Variants in ZMYND10 observed in about 807,000 individuals in gnomAD.
ZMYND10 encodes the protein zinc finger MYND-type containing 10.
A neutral mutation model predicts 62.6 loss-of-function variants in ZMYND10; 52 were observed. The observed-to-expected ratio is 0.83, with a 90% CI of 0.67 to 1.05. ZMYND10 has a LOEUF of 1.05. ZMYND10 is among the 50% of genes least tolerant of loss of function. The pLI is 0.00. For synonymous variants in ZMYND10, 197 were observed against 218.5 expected, an observed-to-expected ratio of 0.90 and a Z score of 0.87; for missense variants, 438 against 543.3, an observed-to-expected ratio of 0.81 and a Z score of 1.93.
chr3:50,343,676 C>A (rs1420186521), intron 3 of ZMYND10, 58 bp downstream of exon 3: 30 of 1,613,760 alleles, frequency 1.9e-5, no homozygotes, highest in Non-Finnish European at 1.8e-5. Context: ...AGCTCTCCTC[C>A]CCGGTCCAGA....
rs200276907 is a variant in ZMYND10, at chr3:50,341,643, C to T, written c.1178G>A (p.Arg393His). ...AGCCTCTGCACTGCAGTAAGCACAG[C>T]GGGGCCGCTCTGGAGCCACTGCCTC... Reference protein sequence around the residue: ...VLEAVAPERPRCAYCSAEASK... With the variant: ...VLEAVAPERPHCAYCSAEASK... The change falls in exon 11 of 12, where the codon CGC becomes CAC. Residue 393 changes from arginine to histidine, a missense_variant. Coordinates refer to ENST00000231749, the MANE Select transcript of ZMYND10 (RefSeq NM_015896.4). The T allele has an allele frequency of 3.2e-5, 52 of 1,614,260 alleles. No homozygotes were observed. Among genetic ancestry groups the T allele is most frequent in the South Asian group, 4.4e-5 (4 of 91,090 alleles).
chr3:50,342,556 C>T lies in ZMYND10; in HGVS notation c.714G>A (p.Gln238=), dbSNP rs199753675. 1 of 1,612,802 alleles carries T rather than the reference C, an allele frequency of 6.2e-7. No homozygotes were observed. The highest frequency in any genetic ancestry group is 8.5e-7 in the Non-Finnish European group (1 of 1,178,990). The change falls in exon 8 of 12, where the codon CAG becomes CAA. Residue 238 remains glutamine (Q), a synonymous_variant. Coordinates refer to ENST00000231749, the MANE Select transcript of ZMYND10 (RefSeq NM_015896.4). ...CAGTATGCCAACGGCTGCCCTCGAA[C>T]TGCTGCAGCTTGCCTGGGGAGAGGA... ...WSRREGGKLQ[Q]FEGSRWHTVA...
Position 50,343,459 on chromosome 3 carries a change from A to C in ZMYND10, c.373-15T>G. On this transcript the variant is annotated splice_polypyrimidine_tract_variant and intron_variant, in intron 4 of 11. Coordinates refer to ENST00000231749, the MANE Select transcript of ZMYND10 (RefSeq NM_015896.4). ...TCACACACCTCCTGGGAAAAGGAGG[A>C]GGGAAACTTTCTGTGTCTGATGCCT... The C allele has an allele frequency of 6.2e-7, 1 of 1,612,228 alleles. No homozygotes were observed.
chr3:50,343,980 G>C (rs1703465769), intron 2 of ZMYND10, 130 bp from the exon 3 acceptor site: 5 of 765,552 alleles, frequency 6.5e-6, no homozygotes, highest in Non-Finnish European at 1.1e-5. Flanking sequence ...CCAGACCCAT[G>C]AGTATCCTTC....
chr3:50,342,081 C>G lies in ZMYND10; in HGVS notation c.933G>C (p.Gln311His). Reference protein sequence around the residue: ...LDQLPNLAHLQSFLAHLTLTE... With the variant: ...LDQLPNLAHLHSFLAHLTLTE... Reference sequence around the variant, plus strand: ...TTAGGGTCAGATGGGCCAGGAAACTCTGCAAGTGGGCCAGGTTGGGCAGCT... The same window carrying G: ...TTAGGGTCAGATGGGCCAGGAAACTGTGCAAGTGGGCCAGGTTGGGCAGCT... Residue 311 changes from glutamine (Q) to histidine (H), a missense_variant, in exon 9 of 12, where the codon CAG (glutamine) becomes CAC (histidine). Transcript: ENST00000231749. 5 of 1,613,950 alleles carry G rather than the reference C, an allele frequency of 3.1e-6. No individual in the cohort carries two copies. Among genetic ancestry groups the G allele is most frequent in the Non-Finnish European group, 4.2e-6 (5 of 1,179,934 alleles).
Position 50,341,918 on chromosome 3 carries a change from C to T in ZMYND10, c.1013G>A (p.Trp338Ter). 1 of 1,614,214 alleles carries T rather than the reference C, an allele frequency of 6.2e-7. No individual in the cohort carries two copies. Among genetic ancestry groups the T allele is most frequent in the Non-Finnish European group, 8.5e-7 (1 of 1,180,030 alleles). ...TCTGTTTTCTCGCTCCAGCCGCTCC[C>T]AGATTTCTGGGATCTAGGAGAGAGA... ...DLVLEQIPEI[W>*]ERLERENRGK... The change falls in exon 10 of 12, where the codon TGG becomes TAG. Residue 338 changes from tryptophan to a stop codon, truncating the protein, a stop_gained. Coordinates refer to ENST00000231749, the MANE Select transcript of ZMYND10 (RefSeq NM_015896.4). LOFTEE classifies it high-confidence loss of function.
In ZMYND10 at chr3:50,345,017, G is replaced by T; in HGVS notation, c.201+107C>A. On this transcript the variant is annotated intron_variant, in intron 2 of 11. Transcript: ENST00000231749. The surrounding 1 kb of genome is among the most constrained non-coding windows in gnomAD (Gnocchi z 5.0). ...CACATTCCTCTTTGTCCTTCAGGGAGAACAGGTGTACCAGGCCAGAGGGGA... is the reference window on the plus strand; with the variant it reads ...CACATTCCTCTTTGTCCTTCAGGGATAACAGGTGTACCAGGCCAGAGGGGA... 7 of 861,316 alleles carry T rather than the reference G, an allele frequency of 8.1e-6. No individual in the cohort carries two copies. Among genetic ancestry groups the T allele is most frequent in the Non-Finnish European group, 1.3e-5 (7 of 538,122 alleles). The allele number at this position is 861,316 out of a possible 1,614,324, so 53.4% of individuals were successfully genotyped here. A position where few individuals can be genotyped will look rare whatever the true frequency, so the allele number is the denominator to read the frequency against.
rs3213620 is a variant in ZMYND10 at position 50,342,603 on chromosome 3, G to A, written c.701-34C>T. 2.7e-4 allele frequency: 428 copies of A among 1,595,582 alleles called. 4 individuals carry two copies. In the East Asian group the frequency reaches 9.2e-3, roughly 34 times the overall value. ...AGGAACCAGCACACTGGGTGCAGAC[G>A]TTGAATTCTCTTCAAGTGAGCCAGC... On this transcript the variant is annotated intron_variant, in intron 7 of 11. Coordinates refer to ENST00000231749, the MANE Select transcript of ZMYND10 (RefSeq NM_015896.4).
In ZMYND10 at chr3:50,345,710, T is replaced by C; in HGVS notation, c.-131A>G. 1 of 1,476,866 alleles carries C rather than the reference T, an allele frequency of 6.8e-7. No homozygotes were observed. Among genetic ancestry groups the C allele is most frequent in the Non-Finnish European group, 9.0e-7 (1 of 1,111,636 alleles). 91.5% of individuals were successfully genotyped at this position (1,476,866 alleles called of 1,614,324 possible). On this transcript the variant is annotated 5_prime_UTR_variant, in exon 1 of 12. Transcript: ENST00000231749. This position sits in a 1 kb window ranked among gnomAD's most constrained non-coding sequence, Gnocchi z 5.0. ...TGCGGGACGGTTGGGGAGCGTCAGT[T>C]CTCGCAGCCATGGAAACGGGTTAGC...
chr3:50,345,105 G>A lies in ZMYND10; in HGVS notation c.201+19C>T. On this transcript the variant is annotated intron_variant, in intron 2 of 11. Transcript: ENST00000231749. The surrounding 1 kb of genome is among the most constrained non-coding windows in gnomAD (Gnocchi z 5.0). ...AGGTATGGGGGAAGGCAGGAACCCT[G>A]CCTGTGACCTCGGGGTACCTTCCCA... 3 of 1,610,152 alleles carry A rather than the reference G, an allele frequency of 1.9e-6. No individual in the cohort carries two copies. The highest frequency in any genetic ancestry group is 2.5e-6 in the Non-Finnish European group (3 of 1,177,692).
At chr3:50,344,163 C>A in intron 2 of ZMYND10, 1 of 392,352 alleles carries the variant, frequency 2.5e-6, no homozygotes, top group Non-Finnish European at 4.8e-6. Flanking sequence ...TCAAGCCAGC[C>A]CTTCTCCTCA....
rs748605510 is a variant in ZMYND10, at chr3:50,341,266, C to T, written c.*144G>A. 1.0e-6 allele frequency: 1 copy of T among 981,304 alleles called. No individual in the cohort carries two copies. The highest frequency in any genetic ancestry group is 1.5e-6 in the Non-Finnish European group (1 of 662,032). The allele number at this position is 981,304 out of a possible 1,614,324, so 60.8% of individuals were successfully genotyped here. The stretch of plus-strand genomic sequence containing the variant: ...CACTTGGGGTGAGGAGGAGGGAGAT[C>T]GGTCAGCAGCTTTACCGCCCGCTCT... On this transcript the variant is annotated 3_prime_UTR_variant, in exon 12 of 12. Transcript: ENST00000231749.
rs369890206 is a variant in ZMYND10 at position 50,343,625 on chromosome 3, T to C, written c.319-9A>G. 14 of 1,613,942 alleles carry C rather than the reference T, an allele frequency of 8.7e-6. No homozygotes were observed. The highest frequency in any genetic ancestry group is 1.7e-5 in the Admixed American group (1 of 60,002). On this transcript the variant is annotated splice_polypyrimidine_tract_variant and intron_variant, in intron 3 of 11. Transcript: ENST00000231749. The stretch of plus-strand genomic sequence containing the variant: ...GAGGCCTCGTGGTGCACCTGTCAGA[T>C]AAAGAGAAGGACAGGGCCTGAGGAA...
chr3:50,341,682 C>T lies in ZMYND10; in HGVS notation c.1139G>A (p.Arg380Lys). 5 of 1,614,234 alleles carry T rather than the reference C, an allele frequency of 3.1e-6. No individual in the cohort carries two copies. The South Asian group carries it at 5.5e-5, about 18-fold the overall frequency. The change falls in exon 11 of 12, where the codon AGG (arginine) becomes AAG (lysine). Residue 380 changes from arginine (R) to lysine (K), a missense_variant. Arg to Lys is a conservative substitution (Grantham distance 26). Transcript: ENST00000231749. The part of the protein sequence containing the change: ...LQARRWAETY[R>K]LDVLEAVAPE... Reference sequence around the variant, plus strand: ...AGCCACTGCCTCTAGCACATCCAGCCTGTAGGTCTCAGCCCACCTGGGGGA... The same window carrying T: ...AGCCACTGCCTCTAGCACATCCAGCTTGTAGGTCTCAGCCCACCTGGGGGA...
chr3:50,343,578 T>C lies in ZMYND10; in HGVS notation c.357A>G (p.Thr119=), dbSNP rs745366928. 5.6e-6 allele frequency: 9 copies of C among 1,614,140 alleles called. No homozygotes were observed. Among genetic ancestry groups the C allele is most frequent in the Middle Eastern group, 1.6e-4 (1 of 6,062 alleles). Residue 119 remains threonine, a synonymous_variant, in exon 4 of 12, where the codon ACA becomes ACG. Transcript: ENST00000231749. ...AGTCCCTCACCTTGTGGAAGAACAC[T>C]GTCTCCAAGAGGTTGATGATGGAGG... ...HEASIINLLE[T]VFFHKEVCES...
chr3:50,345,115 T>C lies in ZMYND10; in HGVS notation c.201+9A>G, dbSNP rs1399260098. 6.2e-7 allele frequency: 1 copy of C among 1,612,548 alleles called. No homozygotes were observed. The highest frequency in any genetic ancestry group is 1.3e-5 in the African/African-American group (1 of 74,872). On this transcript the variant is annotated intron_variant, in intron 2 of 11. Coordinates refer to ENST00000231749, the MANE Select transcript of ZMYND10 (RefSeq NM_015896.4). This position sits in a 1 kb window ranked among gnomAD's most constrained non-coding sequence, Gnocchi z 5.0. ...GAAGGCAGGAACCCTGCCTGTGACC[T>C]CGGGGTACCTTCCCATGGGTGACCA... is the stretch of plus-strand genomic sequence containing the variant.
chr3:50,345,279 A>T lies in ZMYND10; in HGVS notation c.93-47T>A. On this transcript the variant is annotated intron_variant, in intron 1 of 11. Transcript: ENST00000231749. This position sits in a 1 kb window ranked among gnomAD's most constrained non-coding sequence, Gnocchi z 5.0. ...TGTGCGTCCACGTGTGTGCATTAGG[A>T]GTGGGGATGGGGGCTGGATCCTACT... The T allele has an allele frequency of 1.2e-5, 19 of 1,589,628 alleles. No homozygotes were observed. Among genetic ancestry groups the T allele is most frequent in the Non-Finnish European group, 1.6e-5 (19 of 1,164,546 alleles).
Position 50,341,835 on chromosome 3 carries a change from G to A in ZMYND10, c.1096C>T (p.Gln366Ter), listed in dbSNP as rs761505231. The A allele has an allele frequency of 6.2e-7, 1 of 1,614,020 alleles. No homozygotes were observed. ...QLQHVFSPSEQDLRLQARRWA... is the reference protein window; with the variant it reads ...QLQHVFSPSE ...CTTCGCGCCTGCAGCCGCAGGTCCT[G>A]CTCTGAGGGGCTGAACACATGCTGG... Residue 366 changes from glutamine to a stop codon, truncating the protein, a stop_gained, in exon 10 of 12, where the codon CAG becomes TAG. Transcript: ENST00000231749. LOFTEE classifies it high-confidence loss of function.
At position 50,341,726 on chromosome 3, in the gene ZMYND10, T is replaced by G. The variant is rs587617334; in HGVS notation, c.1122-27A>C. On this transcript the variant is annotated intron_variant, in intron 10 of 11. Transcript: ENST00000231749. The stretch of plus-strand genomic sequence containing the variant: ...TGGGGGAAAGTCAGGAAGGTCTGAC[T>G]GGCCCTGGAAGGTGGGGGCACCCCA... 4 of 1,613,468 alleles carry G rather than the reference T, an allele frequency of 2.5e-6. No individual in the cohort carries two copies. In the African/African-American group the frequency reaches 4.0e-5, roughly 16 times the overall value.
Sources: gnomAD v4.1 joint callset for allele counts on GRCh38, gnomAD v4.1.1 for gene constraint, Gnocchi (gnomAD v3.1) non-coding constraint, MANE v1.5 for transcripts, NCBI Gene and HGNC (gene_info 2026-07-23, HGNC 2026-07-21) for gene names.